Variants in DCC observed in about 807,000 individuals in gnomAD.
The protein encoded by DCC is DCC netrin 1 receptor.
Under a neutral mutation model 172.5 loss-of-function variants are expected in DCC, and 58 were observed. That is an observed-to-expected ratio of 0.34 (90% confidence interval 0.27 to 0.42). DCC has a LOEUF of 0.42. Among genes scored for constraint, DCC ranks in the 10% least tolerant of loss-of-function variants. DCC has a pLI of 1.00. For synonymous variants in DCC, 709 were observed against 644.5 expected, an observed-to-expected ratio of 1.10 and a Z score of -1.52; for missense variants, 1,740 against 1,791.0, an observed-to-expected ratio of 0.97 and a Z score of 0.51.
At chr18:53,333,069 CAA>C (rs11323974) in intron 14 of DCC, among the ~76,000 whole-genome samples, 2,220 of 120,512 alleles carry the variant, frequency 0.018, 28 homozygotes, top group Non-Finnish European at 0.025. Context: ...GAACCTGTCT[CAA>C]AAAAAAAAAA....
chr18:52,512,487 A>G (rs1393999845), intron 1 of DCC, among the ~76,000 whole-genome samples: 3 of 152,232 alleles, frequency 2.0e-5, no homozygotes, highest in Non-Finnish European at 4.4e-5. Context: ...TTAGGCCATA[A>G]GAAAACATTT....
chr18:52,545,220 T>C (rs889907690), intron 1 of DCC, among the ~76,000 whole-genome samples: 2 of 152,184 alleles, frequency 1.3e-5, no homozygotes, highest in Non-Finnish European at 2.9e-5. Flanking sequence ...TCAGACTTGA[T>C]AGCTTCTCCC....
At chr18:53,111,156 AC>A (rs2043324644) in intron 7 of DCC, among the ~76,000 whole-genome samples, 1 of 150,262 alleles carries the variant, frequency 6.7e-6, no homozygotes. Flanking sequence ...AGGACAAAAA[AC>A]CAAACATCGC....
intron 12 of DCC, among the ~76,000 whole-genome samples, chr18:53,239,439 C>G (rs1049151563): frequency 2.6e-5 from 4 of 152,022 alleles, no homozygotes; most frequent in Non-Finnish European, 5.9e-5. Flanking sequence ...ATATTCTCTG[C>G]TCTAAGCTCT....
At chr18:52,847,021 T>G (rs1466509177) in intron 2 of DCC, among the ~76,000 whole-genome samples, 1 of 152,154 alleles carries the variant, frequency 6.6e-6, no homozygotes, top group Non-Finnish European at 1.5e-5. Flanking sequence ...ACCTTACAGG[T>G]AGAATGAATC....
chr18:53,396,109 TAA>T (rs11419804), intron 17 of DCC, among the ~76,000 whole-genome samples: 1 of 147,832 alleles, frequency 6.8e-6, no homozygotes, highest in African/African-American at 2.5e-5. Context: ...GTAGTAGAAT[TAA>T]AAAAAAAAAG....
chr18:52,681,211 G>A (rs751162945), intron 1 of DCC, among the ~76,000 whole-genome samples: 172 of 152,090 alleles, frequency 1.1e-3, no homozygotes, highest in Non-Finnish European at 2.2e-3. Flanking sequence ...GTTAGTGGGC[G>A]GCAGAACTGG....
At chr18:52,925,140 A>T in intron 4 of DCC, 94 bp from the exon 5 acceptor site, 1 of 1,265,022 alleles carries the variant, frequency 7.9e-7, no homozygotes, top group East Asian at 2.3e-5. Context: ...AAGTGTCTTA[A>T]TTTGAGCTTT....
intron 1 of DCC, among the ~76,000 whole-genome samples, chr18:52,680,113 G>T (rs535032755): frequency 1.3e-5 from 2 of 152,166 alleles, no homozygotes; most frequent in East Asian, 3.9e-4. Context: ...ACATTTTCTG[G>T]GTGCCCATTG....
Position 52,752,088 on chromosome 18 carries a change from C to T in DCC, c.126C>T (p.Phe42=). 1 of 1,614,154 alleles carries T rather than the reference C, an allele frequency of 6.2e-7. No homozygotes were observed. Among genetic ancestry groups the T allele is most frequent in the African/African-American group, 1.3e-5 (1 of 75,034 alleles). Residue 42 remains phenylalanine, a synonymous_variant, in exon 2 of 29, where the codon TTC becomes TTT. Coordinates refer to ENST00000442544, the MANE Select transcript of DCC (RefSeq NM_005215.4). ...FQIKAFTALR[F]LSEPSDAVTM... ...TTAAAGCTTTCACAGCACTGCGCTT[C>T]CTCTCAGAACCTTCTGATGCCGTCA...
intron 7 of DCC, among the ~76,000 whole-genome samples, chr18:53,128,948 G>A (rs1008446523): frequency 1.3e-5 from 2 of 149,076 alleles, no homozygotes; most frequent in African/African-American, 2.5e-5. Flanking sequence ...GTGCAGTGGT[G>A]CGATCTCAGC....
chr18:53,496,796 T>G (rs888003503), intron 26 of DCC, among the ~76,000 whole-genome samples: 2 of 152,190 alleles, frequency 1.3e-5, no homozygotes, highest in African/African-American at 4.8e-5. Context: ...AATTACCTGA[T>G]GGAGCTGAAA....
intron 7 of DCC, among the ~76,000 whole-genome samples, chr18:53,090,588 G>A (rs1032552023): frequency 5.4e-4 from 81 of 150,168 alleles, no homozygotes; most frequent in African/African-American, 1.9e-3. Flanking sequence ...CAGCCACTCG[G>A]CAGGCTGAGG....
At chr18:52,891,392 T>C (rs899307081) in intron 2 of DCC, among the ~76,000 whole-genome samples, 1 of 152,142 alleles carries the variant, frequency 6.6e-6, no homozygotes, top group African/African-American at 2.4e-5. Context: ...ACATAAATTA[T>C]GTCATGAATG....
At chr18:53,160,266 G>GT (rs2054815177) in intron 8 of DCC, among the ~76,000 whole-genome samples, 1 of 152,074 alleles carries the variant, frequency 6.6e-6, no homozygotes, top group South Asian at 2.1e-4. Context: ...CATTATCTGA[G>GT]TTTCAAATCA....
At chr18:52,731,811 T>C (rs2036646847) in intron 1 of DCC, among the ~76,000 whole-genome samples, 1 of 152,218 alleles carries the variant, frequency 6.6e-6, no homozygotes, top group South Asian at 2.1e-4. Context: ...TGTGATTTAC[T>C]TATTTCCTTA....
intron 1 of DCC, among the ~76,000 whole-genome samples, chr18:52,346,780 T>A (rs548792828): frequency 2.0e-5 from 3 of 152,328 alleles, no homozygotes; most frequent in Admixed American, 2.0e-4. Flanking sequence ...TCTTATGGCA[T>A]GACTTCTGTA....
chr18:52,483,043 C>T (rs2030033599), intron 1 of DCC, among the ~76,000 whole-genome samples: 1 of 152,108 alleles, frequency 6.6e-6, no homozygotes. Context: ...TCCTTTGCCT[C>T]TTCCAGCTTT....
At chr18:53,416,766 T>G (rs1910332360) in intron 21 of DCC, among the ~76,000 whole-genome samples, 1 of 152,118 alleles carries the variant, frequency 6.6e-6, no homozygotes, top group African/African-American at 2.4e-5. Context: ...ACAGGTAAAG[T>G]TTTACACAAA....
Sources: gnomAD v4.1 joint callset for allele counts (sites outside exome capture counted in the v4.1 genomes callset) on GRCh38, gnomAD v4.1.1 for gene constraint, MANE v1.5 for transcripts, NCBI Gene and HGNC (gene_info 2026-07-23, HGNC 2026-07-21) for gene names.